CPQ: variants seen among roughly 807,000 people sequenced by gnomAD.
The protein encoded by CPQ is carboxypeptidase Q, also known as Ser-Met dipeptidase.
In CPQ, 37 loss-of-function variants were observed where a neutral mutation model predicts 45.7. The observed-to-expected ratio is 0.81, with a 90% CI of 0.62 to 1.07. The LOEUF (loss-of-function observed/expected upper bound fraction) is 1.07. Ranked by LOEUF, CPQ falls within the 50% of genes least tolerant of loss-of-function variation. The pLI, the probability that CPQ is intolerant of heterozygous loss-of-function variation, is 0.00. For synonymous variants in CPQ, 186 were observed against 205.8 expected, an observed-to-expected ratio of 0.90 and a Z score of 0.82; for missense variants, 537 against 572.9, an observed-to-expected ratio of 0.94 and a Z score of 0.64.
At chr8:96,959,246 T>C (rs1190106569) in intron 4 of CPQ, among the ~76,000 whole-genome samples, 1 of 152,134 alleles carries the variant, frequency 6.6e-6, no homozygotes, top group Non-Finnish European at 1.5e-5. Context: ...AAAGAGGTGC[T>C]CAGGGAAAAG....
intron 1 of CPQ, among the ~76,000 whole-genome samples, chr8:96,707,350 A>T (rs541461648): frequency 6.6e-6 from 1 of 152,278 alleles, no homozygotes; most frequent in East Asian, 1.9e-4. Context: ...TCACATGTGG[A>T]TAGGAGCTAC....
chr8:96,725,451 A>T (rs1236381232), intron 1 of CPQ, among the ~76,000 whole-genome samples: 3 of 152,242 alleles, frequency 2.0e-5, no homozygotes, highest in African/African-American at 7.2e-5. Flanking sequence ...TCAAAAGAAG[A>T]CAGACAAGTA....
chr8:96,849,011 T>A (rs1811736378), intron 3 of CPQ, among the ~76,000 whole-genome samples: 1 of 152,242 alleles, frequency 6.6e-6, no homozygotes, highest in Admixed American at 6.5e-5. Flanking sequence ...TGTAGTTTTG[T>A]ATGGCTTTTG....
chr8:97,083,987 C>T (rs1406584080), intron 7 of CPQ, among the ~76,000 whole-genome samples: 4 of 152,098 alleles, frequency 2.6e-5, no homozygotes, highest in African/African-American at 9.7e-5. Context: ...AGCATTAAAA[C>T]TCTATAACCC....
chr8:96,953,089 G>T (rs1160944586), intron 4 of CPQ, among the ~76,000 whole-genome samples: 2 of 151,996 alleles, frequency 1.3e-5, no homozygotes, highest in East Asian at 3.9e-4. Flanking sequence ...TTTTTGTTTT[G>T]GTTCCAGTTG....
At chr8:96,760,673 A>C (rs1023256975) in intron 1 of CPQ, among the ~76,000 whole-genome samples, 2 of 152,172 alleles carry the variant, frequency 1.3e-5, no homozygotes, top group Non-Finnish European at 2.9e-5. Context: ...AGAGAAGAAA[A>C]ACTGTGGCAA....
chr8:97,054,950 CA>C (rs1398079612), intron 6 of CPQ, among the ~76,000 whole-genome samples: 1 of 152,112 alleles, frequency 6.6e-6, no homozygotes, highest in Non-Finnish European at 1.5e-5. Context: ...GTATAGAGTT[CA>C]GGGGGGAAGT....
intron 7 of CPQ, among the ~76,000 whole-genome samples, chr8:97,104,456 G>T (rs1811367731): frequency 6.6e-6 from 1 of 152,146 alleles, no homozygotes; most frequent in African/African-American, 2.4e-5. Context: ...AGCCTCTGAT[G>T]AAGTTTTGAG....
At chr8:96,874,283 C>A (rs1395360276) in intron 3 of CPQ, among the ~76,000 whole-genome samples, 1 of 151,672 alleles carries the variant, frequency 6.6e-6, no homozygotes, top group Non-Finnish European at 1.5e-5. Context: ...ACTTAGGATT[C>A]TTATTTTGAC....
intron 1 of CPQ, among the ~76,000 whole-genome samples, chr8:96,748,261 T>A (rs1810215135): frequency 6.6e-6 from 1 of 152,070 alleles, no homozygotes; most frequent in Non-Finnish European, 1.5e-5. Context: ...ACATGATTAA[T>A]AAGTTGCTTT....
chr8:97,043,403 T>A (rs374212304), intron 6 of CPQ, among the ~76,000 whole-genome samples: 1 of 152,108 alleles, frequency 6.6e-6, no homozygotes, highest in Non-Finnish European at 1.5e-5. Context: ...ATGGGTTTCC[T>A]GAATACAGCA....
intron 1 of CPQ, among the ~76,000 whole-genome samples, chr8:96,774,270 C>CAAAAA (rs764110279): frequency 1.8e-5 from 2 of 108,736 alleles, no homozygotes; most frequent in Admixed American, 9.7e-5. Flanking sequence ...GACTCAGTCT[C>CAAAAA]AAAAAAAAAA....
intron 2 of CPQ, among the ~76,000 whole-genome samples, chr8:96,823,901 GTTTTAC>G (rs1159060806): frequency 3.3e-5 from 5 of 152,046 alleles, no homozygotes; most frequent in East Asian, 3.9e-4. Flanking sequence ...TGATAAGACA[GTTTTAC>G]TTTAACTTTT....
chr8:96,798,754 A>T (rs1230235945), intron 2 of CPQ, among the ~76,000 whole-genome samples: 1 of 152,012 alleles, frequency 6.6e-6, no homozygotes, highest in African/African-American at 2.4e-5. Flanking sequence ...AATAAATTTA[A>T]TTGTTCTTTC....
rs571883160 is a variant in CPQ, at chr8:96,917,850, G to T, written c.849+37845G>T. ...GTAAGATCCCAATAGTGAAAATCTG[G>T]TTCCCTTCACCCACCATTCATTGTC... On this transcript the variant is annotated intron_variant, in intron 4 of 7. Coordinates refer to ENST00000220763, the MANE Select transcript of CPQ (RefSeq NM_016134.4). Among the ~76,000 whole-genome samples the T allele has an allele frequency of 1.4e-4, 21 of 152,106 alleles. 1 individual carries two copies. In the East Asian group the frequency reaches 4.1e-3, roughly 29 times the overall value.
chr8:96,764,852 G>A (rs1187078234), intron 1 of CPQ, among the ~76,000 whole-genome samples: 1 of 152,150 alleles, frequency 6.6e-6, no homozygotes, highest in Non-Finnish European at 1.5e-5. Context: ...ATTGAGAAAG[G>A]TTGACCTTTA....
chr8:97,052,228 C>T (rs1386080110), intron 6 of CPQ, among the ~76,000 whole-genome samples: 3 of 152,138 alleles, frequency 2.0e-5, no homozygotes, highest in Non-Finnish European at 2.9e-5. Flanking sequence ...TAGTTCAATA[C>T]AGGTACCTAT....
intron 2 of CPQ, among the ~76,000 whole-genome samples, chr8:96,807,042 A>G (rs547774509): frequency 1.3e-5 from 2 of 152,302 alleles, no homozygotes; most frequent in South Asian, 4.1e-4. Context: ...AGACTGAAGT[A>G]TGTTTTATAT....
intron 5 of CPQ, among the ~76,000 whole-genome samples, chr8:97,023,050 A>ATACAGTATATATACAGTATATATG: frequency 7.0e-6 from 1 of 143,822 alleles, no homozygotes; most frequent in South Asian, 2.1e-4. Flanking sequence ...CAGTATATAT[A>ATACAGTATATATACAGTATATATG]CTGTATATAT....
Sources: gnomAD v4.1 joint callset for allele counts (sites outside exome capture counted in the v4.1 genomes callset) on GRCh38, gnomAD v4.1.1 for gene constraint, MANE v1.5 for transcripts, NCBI Gene and HGNC (gene_info 2026-07-23, HGNC 2026-07-21) for gene names.